The following PLA2R1 variants were observed in gnomAD, a reference collection of about 807,000 sequenced individuals.
PLA2R1 encodes phospholipase A2 receptor 1.
In PLA2R1, 158 loss-of-function variants were observed where a neutral mutation model predicts 195.9. That is an observed-to-expected ratio of 0.81 (90% CI 0.71 to 0.92). The LOEUF (loss-of-function observed/expected upper bound fraction) is 0.92. Among genes scored for constraint, PLA2R1 ranks in the 40% least tolerant of loss-of-function variants. The pLI is 0.00. For synonymous variants in PLA2R1, 586 were observed against 598.2 expected (o/e 0.98, Z 0.30); for missense variants, 1,626 against 1,764.6 (o/e 0.92, Z 1.41).
intron 1 of PLA2R1, among the ~76,000 whole-genome samples, chr2:160,058,590 C>T (rs1398264780): frequency 6.6e-6 from 1 of 152,222 alleles, no homozygotes; most frequent in Non-Finnish European, 1.5e-5. Flanking sequence ...TTAGCAATGA[C>T]TATGCCCAGT....
intron 1 of PLA2R1, among the ~76,000 whole-genome samples, chr2:160,054,143 T>C (rs1299785270): frequency 6.6e-6 from 1 of 152,216 alleles, no homozygotes; most frequent in African/African-American, 2.4e-5. Flanking sequence ...ATGGGTTTAA[T>C]AGTAATGCTG....
chr2:159,945,681 C>A (rs1687345044), intron 27 of PLA2R1: 1 of 443,826 alleles, frequency 2.3e-6, no homozygotes, highest in African/African-American at 2.1e-5. Flanking sequence ...GTCTTTATAG[C>A]AGCATGATTT....
intron 17 of PLA2R1, among the ~76,000 whole-genome samples, chr2:159,975,061 T>G (rs938864344): frequency 2.0e-5 from 3 of 152,202 alleles, no homozygotes; most frequent in African/African-American, 4.8e-5. Flanking sequence ...CTTTCAAAGC[T>G]TCCAAGGGAA....
intron 7 of PLA2R1, among the ~76,000 whole-genome samples, chr2:160,020,661 T>G (rs1317912780): frequency 6.6e-6 from 1 of 152,150 alleles, no homozygotes; most frequent in Non-Finnish European, 1.5e-5. Context: ...CAGCCCCCTC[T>G]CCATGTGATG....
At chr2:159,954,472 C>T (rs552829581) in intron 23 of PLA2R1, among the ~76,000 whole-genome samples, 9 of 151,408 alleles carry the variant, frequency 5.9e-5, no homozygotes, top group African/African-American at 9.7e-5. Context: ...AGACTTCACA[C>T]GTATGCCACA....
intron 23 of PLA2R1, among the ~76,000 whole-genome samples, chr2:159,952,555 ATGTGAGG>A (rs1446102108): frequency 6.6e-6 from 1 of 152,204 alleles, no homozygotes; most frequent in Admixed American, 6.5e-5. Context: ...GGAAAGAAGC[ATGTGAGG>A]TGTGGATAGG....
At position 159,944,965 on chromosome 2, in the gene PLA2R1, C is replaced by T. The variant is rs777907678; in HGVS notation, c.4085G>A (p.Gly1362Glu). 1 of 1,613,394 alleles carries T rather than the reference C, an allele frequency of 6.2e-7. No individual in the cohort carries two copies. The highest frequency in any genetic ancestry group is 1.1e-5 in the South Asian group (1 of 91,040). ...HHCVALRIPE[G>E]LWQLSPCQEK... ...TTGACACGGGGATAGCTGCCATAATCCTTCAGGGATCCTCAAGGCAACACA... is the reference window on the plus strand; with the variant it reads ...TTGACACGGGGATAGCTGCCATAATTCTTCAGGGATCCTCAAGGCAACACA... The change falls in exon 28 of 30, where the codon GGA becomes GAA. Residue 1362 changes from glycine to glutamate, a missense_variant. Physicochemically the swap from Gly to Glu is moderately conservative, Grantham distance 98. Coordinates refer to ENST00000283243, the MANE Select transcript of PLA2R1 (RefSeq NM_007366.5).
chr2:160,061,754 G>A (rs970546109), intron 1 of PLA2R1, among the ~76,000 whole-genome samples: 16 of 152,234 alleles, frequency 1.1e-4, no homozygotes, highest in Middle Eastern at 3.4e-3. Context: ...CAGCCTGGGC[G>A]ACAGAGCAAG....
chr2:159,944,938 TC>T lies in PLA2R1; in HGVS notation c.4111del (p.Glu1371LysfsTer35). The T allele has an allele frequency of 6.2e-7, 1 of 1,613,320 alleles. No homozygotes were observed. On this transcript the variant is annotated frameshift_variant, in exon 28 of 30. Coordinates refer to ENST00000283243, the MANE Select transcript of PLA2R1 (RefSeq NM_007366.5). LOFTEE classifies it high-confidence loss of function. ...EGLWQLSPCQ[E>X]KKGFICKMEA... The stretch of plus-strand genomic sequence containing the variant: ...CATTTTACATATAAAGCCTTTTTTT[TC>T]TTGACACGGGGATAGCTGCCATAAT...
intron 6 of PLA2R1, among the ~76,000 whole-genome samples, chr2:160,023,655 T>C (rs1048813004): frequency 6.6e-6 from 1 of 152,234 alleles, no homozygotes; most frequent in Non-Finnish European, 1.5e-5. Flanking sequence ...CATTCTTTAT[T>C]CCTTTACTTT....
At chr2:159,970,726 G>A (rs1359679125) in intron 17 of PLA2R1, among the ~76,000 whole-genome samples, 1 of 152,060 alleles carries the variant, frequency 6.6e-6, no homozygotes, top group Non-Finnish European at 1.5e-5. Context: ...CACAATATAG[G>A]ACAAAAGAAT....
At chr2:160,044,731 A>G (rs1000184543) in intron 2 of PLA2R1, 43 bp downstream of exon 2, 9 of 1,551,132 alleles carry the variant, frequency 5.8e-6, no homozygotes, top group Non-Finnish European at 7.9e-6. Context: ...GGCAAACCTT[A>G]AAAAAACACC....
At chr2:160,012,048 G>A (rs1172653911) in intron 10 of PLA2R1, among the ~76,000 whole-genome samples, 1 of 152,072 alleles carries the variant, frequency 6.6e-6, no homozygotes, top group African/African-American at 2.4e-5. Context: ...GGTAAGAGGA[G>A]GAAGGACATA....
intron 3 of PLA2R1, among the ~76,000 whole-genome samples, chr2:160,038,787 A>T (rs149972152): frequency 1.3e-3 from 203 of 152,204 alleles, no homozygotes; most frequent in African/African-American, 4.6e-3. Context: ...AGCATTGCTG[A>T]GCCATGTTGA....
chr2:160,050,535 A>G (rs1435820206), intron 1 of PLA2R1, among the ~76,000 whole-genome samples: 5 of 152,142 alleles, frequency 3.3e-5, no homozygotes, highest in Non-Finnish European at 7.3e-5. Context: ...GCATTCATTT[A>G]TAACTTAGAA....
intron 21 of PLA2R1, 144 bp downstream of exon 21, chr2:159,956,366 G>T: frequency 1.6e-6 from 1 of 619,894 alleles, no homozygotes; most frequent in Admixed American, 2.5e-5. Context: ...AAAACCTATG[G>T]GTCAAACTGC....
At position 159,938,014 on chromosome 2, in the gene PLA2R1, G is replaced by A. The variant is rs762746761; in HGVS notation, c.*3764C>T. On this transcript the variant is annotated 3_prime_UTR_variant, in exon 30 of 30. Transcript: ENST00000283243. The stretch of plus-strand genomic sequence containing the variant: ...GAGAAAGGCATTTGTGTAAAGAGAG[G>A]TGGGAAAGAAGAACCAGGGGTGCTC... 13 of 152,194 alleles carry A rather than the reference G, an allele frequency of 8.5e-5. No homozygotes were observed. The highest frequency in any genetic ancestry group is 1.6e-4 in the Non-Finnish European group (11 of 68,026). 9.4% of individuals were successfully genotyped at this position (152,194 alleles called of 1,614,324 possible).
chr2:159,970,222 G>GAA lies in PLA2R1; in HGVS notation c.2596-12_2596-11dup, dbSNP rs372803762. 5.0e-6 allele frequency: 8 copies of GAA among 1,594,442 alleles called. No homozygotes were observed. The highest frequency in any genetic ancestry group is 6.0e-6 in the Non-Finnish European group (7 of 1,168,366). On this transcript the variant is annotated splice_polypyrimidine_tract_variant and intron_variant, in intron 17 of 29. Transcript: ENST00000283243. ...CACCATACTTTGATAGCTATTGAAA[G>GAA]AAAAAAAGTCAGCATTTATTCTACT... is the stretch of plus-strand genomic sequence containing the variant.
Position 160,032,955 on chromosome 2 carries a change from T to C in PLA2R1, c.841+4A>G, listed in dbSNP as rs1693950446. 1.9e-6 allele frequency: 3 copies of C among 1,595,704 alleles called. No individual in the cohort carries two copies. Among genetic ancestry groups the C allele is most frequent in the Non-Finnish European group, 8.6e-7 (1 of 1,164,966 alleles). ...ATATCAATGTGCGTCATCCACCTAC[T>C]TACCCCTTATGAAATTTTCTTCAGT... On this transcript the variant is annotated splice_donor_region_variant and intron_variant, in intron 4 of 29. Coordinates refer to ENST00000283243, the MANE Select transcript of PLA2R1 (RefSeq NM_007366.5).
Sources: allele counts gnomAD v4.1 joint callset (sites outside exome capture counted in the v4.1 genomes callset), GRCh38; gene constraint gnomAD v4.1.1; transcripts MANE v1.5; gene names NCBI Gene and HGNC (gene_info 2026-07-23, HGNC 2026-07-21).